CD300LB: variants seen among roughly 807,000 people sequenced by gnomAD.
CD300LB encodes CMRF35-like molecule 7.
CD300LB carries 18 observed loss-of-function variants against 20.8 expected under a neutral mutation model. The ratio of observed to expected loss-of-function variants is 0.87; its 90% CI spans 0.60 to 1.28. The LOEUF is 1.28. Ranked by LOEUF, CD300LB falls within the 50% of genes most tolerant of loss-of-function variation. The probability of loss-of-function intolerance (pLI) is 0.00; values close to 1 mark genes in which losing one functional copy is unlikely to be tolerated. For synonymous variants in CD300LB, 91 were observed against 91.3 expected (o/e 1.00, Z 0.02); for missense variants, 222 against 251.8 (o/e 0.88, Z 0.80).
rs904312262 is a variant in CD300LB at position 74,523,438 on chromosome 17, A to G, written c.443+141T>C. ...GGTGGATTGCAGTGATGGGGGCAGG[A>G]GAGAGATGGAGGGTGGGCTTGGGGC... is the stretch of plus-strand genomic sequence containing the variant. On this transcript the variant is annotated intron_variant, in intron 3 of 3. Coordinates refer to ENST00000392621, the MANE Select transcript of CD300LB (RefSeq NM_174892.4). The G allele has an allele frequency of 8.8e-6, 6 of 683,916 alleles. No homozygotes were observed. In the African/African-American group the frequency reaches 1.0e-4, roughly 12 times the overall value. The allele number at this position is 683,916 out of a possible 1,614,324, so 42.4% of individuals were successfully genotyped here.
In CD300LB at chr17:74,521,510, C is replaced by G; in HGVS notation, c.*1228G>C. 1 of 985,468 alleles carries G rather than the reference C, an allele frequency of 1.0e-6. No individual in the cohort carries two copies. Among genetic ancestry groups the G allele is most frequent in the Non-Finnish European group, 1.2e-6 (1 of 829,964 alleles). 61.0% of individuals were successfully genotyped at this position (985,468 alleles called of 1,614,324 possible). A position where few individuals can be genotyped will look rare whatever the true frequency, so the allele number is the denominator to read the frequency against. ...TTCAGGCCCATCATTGGCCAGAGAC[C>G]TAAATTCAGTTCAAAGTCAGAGAAA... On this transcript the variant is annotated 3_prime_UTR_variant, in exon 4 of 4. Transcript: ENST00000392621.
chr17:74,527,201 G>T (rs1238402292), intron 1 of CD300LB, among the ~76,000 whole-genome samples: 1 of 152,254 alleles, frequency 6.6e-6, no homozygotes, highest in African/African-American at 2.4e-5. Context: ...GGTTAGAGGT[G>T]AGCATAATCA....
Position 74,523,381 on chromosome 17 carries a change from C to T in CD300LB, c.443+198G>A, listed in dbSNP as rs865845580. 42 of 594,340 alleles carry T rather than the reference C, an allele frequency of 7.1e-5. 1 individual carries two copies. The Middle Eastern group carries it at 3.1e-3, about 44-fold the overall frequency. 36.8% of individuals were successfully genotyped at this position (594,340 alleles called of 1,614,324 possible). ...GCTCACTGAGAAGAGTTCTGCAGAG[C>T]GGTTTTCTGGTGAGAGCTAGAGTGG... is the stretch of plus-strand genomic sequence containing the variant. On this transcript the variant is annotated intron_variant, in intron 3 of 3. Transcript: ENST00000392621.
At chr17:74,522,928 C>G in intron 3 of CD300LB, 28 bp from the exon 4 acceptor site, 3 of 1,602,632 alleles carry the variant, frequency 1.9e-6, no homozygotes, top group Non-Finnish European at 2.6e-6. Flanking sequence ...GTGGTCAGAG[C>G]CCTGGGCATC....
intron 1 of CD300LB, among the ~76,000 whole-genome samples, chr17:74,526,626 T>C (rs1908044419): frequency 6.6e-6 from 1 of 152,016 alleles, no homozygotes; most frequent in Non-Finnish European, 1.5e-5. Flanking sequence ...AGCATGAAAA[T>C]TGCTTGAACC....
In CD300LB at chr17:74,522,625, C is replaced by T; in HGVS notation, c.*113G>A. On this transcript the variant is annotated 3_prime_UTR_variant, in exon 4 of 4. Transcript: ENST00000392621. ...CCAGCTCCAAGGCCAGGGCGGAGGC[C>T]CAGGGCCCCTATCTCAGTCACTGCA... 2.0e-6 allele frequency: 3 copies of T among 1,535,028 alleles called. No homozygotes were observed. Among genetic ancestry groups the T allele is most frequent in the South Asian group, 1.3e-5 (1 of 78,524 alleles).
At chr17:74,529,665 C>T (rs368597508) in intron 1 of CD300LB, among the ~76,000 whole-genome samples, 3 of 152,170 alleles carry the variant, frequency 2.0e-5, no homozygotes, top group South Asian at 2.1e-4. Flanking sequence ...GTGGCAGGCA[C>T]CTTAATCCCA....
rs1162397300 is a variant in CD300LB at position 74,531,395 on chromosome 17, G to T, written c.-45C>A. On this transcript the variant is annotated 5_prime_UTR_variant, in exon 1 of 4. Coordinates refer to ENST00000392621, the MANE Select transcript of CD300LB (RefSeq NM_174892.4). ...CTCGTCCGCCTGATCTGCAACCAGT[G>T]GCAAATGCAGATCCCAGATGCACTC... 1.2e-6 allele frequency: 2 copies of T among 1,612,716 alleles called. No individual in the cohort carries two copies. The highest frequency in any genetic ancestry group is 3.3e-5 in the Admixed American group (2 of 59,876).
At position 74,521,718 on chromosome 17, in the gene CD300LB, T is replaced by C. The variant is rs1038245733; in HGVS notation, c.*1020A>G. 5.3e-5 allele frequency: 52 copies of C among 985,634 alleles called. No individual in the cohort carries two copies. The highest frequency in any genetic ancestry group is 5.8e-5 in the Non-Finnish European group (48 of 830,154). The allele number at this position is 985,634 out of a possible 1,614,324, so 61.1% of individuals were successfully genotyped here. A position where few individuals can be genotyped will look rare whatever the true frequency, so the allele number is the denominator to read the frequency against. On this transcript the variant is annotated 3_prime_UTR_variant, in exon 4 of 4. Transcript: ENST00000392621. The stretch of plus-strand genomic sequence containing the variant: ...TGCCGAACATGTGTGGTGTGTTTGC[T>C]TGTGGGCAGGTGGGGGCGGGAGCAC...
intron 1 of CD300LB, among the ~76,000 whole-genome samples, chr17:74,529,179 C>A (rs1908125183): frequency 6.6e-6 from 1 of 152,052 alleles, no homozygotes; most frequent in Non-Finnish European, 1.5e-5. Context: ...GGATGTATGT[C>A]CAACGCCAGA....
chr17:74,528,108 A>T (rs1024964970), intron 1 of CD300LB, among the ~76,000 whole-genome samples: 2 of 151,994 alleles, frequency 1.3e-5, no homozygotes, highest in African/African-American at 4.8e-5. Context: ...ATCTAGTTGC[A>T]GGTAAACAAG....
chr17:74,523,528 C>G (rs1371898980), intron 3 of CD300LB, 51 bp downstream of exon 3: 2 of 1,346,406 alleles, frequency 1.5e-6, no homozygotes. Flanking sequence ...GCTTGGCTTC[C>G]CCTTAGGAGG....
chr17:74,521,844 G>T lies in CD300LB; in HGVS notation c.*894C>A, dbSNP rs1598125281. The T allele has an allele frequency of 1.0e-6, 1 of 985,392 alleles. No individual in the cohort carries two copies. Among genetic ancestry groups the T allele is most frequent in the East Asian group, 1.1e-4 (1 of 8,826 alleles). The allele number at this position is 985,392 out of a possible 1,614,324, so 61.0% of individuals were successfully genotyped here. On this transcript the variant is annotated 3_prime_UTR_variant, in exon 4 of 4. Coordinates refer to ENST00000392621, the MANE Select transcript of CD300LB (RefSeq NM_174892.4). ...CATCGCCGTGGGTGAAGCCTGTGAG[G>T]AGACAGAACCACTTCCCTAGGACAG...
intron 3 of CD300LB, 37 bp downstream of exon 3, chr17:74,523,532 TAGGAGGGACC>T: frequency 1.4e-6 from 2 of 1,384,910 alleles, no homozygotes; most frequent in Non-Finnish European, 1.0e-6. Context: ...GGCTTCCCCT[TAGGAGGGACC>T]CCAGGTAGGG....
At chr17:74,531,001 C>T (rs1483236388) in intron 1 of CD300LB, among the ~76,000 whole-genome samples, 1 of 152,166 alleles carries the variant, frequency 6.6e-6, no homozygotes, top group African/African-American at 2.4e-5. Flanking sequence ...GACGAGGTCT[C>T]ACCATGTTGC....
intron 1 of CD300LB, among the ~76,000 whole-genome samples, chr17:74,527,545 A>G (rs550315906): frequency 1.1e-4 from 17 of 152,384 alleles, no homozygotes; most frequent in Admixed American, 5.9e-4. Flanking sequence ...CCTCATACAC[A>G]GAACCTGCGA....
intron 2 of CD300LB, 62 bp downstream of exon 2, chr17:74,525,686 G>A (rs1271166767): frequency 1.7e-5 from 24 of 1,431,866 alleles, no homozygotes; most frequent in Non-Finnish European, 2.2e-5. Flanking sequence ...GAGCAGGTAA[G>A]AGCACTGACT....
Position 74,523,251 on chromosome 17 carries a change from T to C in CD300LB, c.443+328A>G, listed in dbSNP as rs1375727329. The C allele has an allele frequency of 9.7e-6, 5 of 517,168 alleles. No individual in the cohort carries two copies. The East Asian group carries it at 1.6e-4, about 17-fold the overall frequency. 32.0% of individuals were successfully genotyped at this position (517,168 alleles called of 1,614,324 possible). ...CCAGGCTGGTAAATCACCCTTCCTG[T>C]TCTGTGTCCCTTGATGTCTTGCACC... is the stretch of plus-strand genomic sequence containing the variant. On this transcript the variant is annotated intron_variant, in intron 3 of 3. Transcript: ENST00000392621.
intron 1 of CD300LB, among the ~76,000 whole-genome samples, chr17:74,529,801 A>G (rs892139019): frequency 3.3e-5 from 5 of 152,230 alleles, no homozygotes; most frequent in African/African-American, 1.2e-4. Flanking sequence ...AAAACAAAAA[A>G]CAAAAACAAA....
Sources: gnomAD v4.1 joint callset for allele counts (sites outside exome capture counted in the v4.1 genomes callset) on GRCh38, gnomAD v4.1.1 for gene constraint, MANE v1.5 for transcripts, NCBI Gene and HGNC (gene_info 2026-07-23, HGNC 2026-07-21) for gene names.